PUM2: variants seen among roughly 807,000 people sequenced by gnomAD.
PUM2 encodes the protein pumilio RNA binding family member 2.
Under a neutral mutation model 124.5 loss-of-function variants are expected in PUM2, and 57 were observed. The observed-to-expected ratio is 0.46, with a 90% CI of 0.37 to 0.57. The LOEUF is 0.57. Among genes scored for constraint, PUM2 ranks in the 20% least tolerant of loss-of-function variants. PUM2 has a pLI of 0.00. For missense variants in PUM2, 1,065 were observed against 1,290.6 expected, an observed-to-expected ratio of 0.83 and a Z score of 2.68; for synonymous variants, 460 against 446.1, an observed-to-expected ratio of 1.03 and a Z score of -0.39.
intron 1 of PUM2, among the ~76,000 whole-genome samples, chr2:20,340,505 T>C (rs891320593): frequency 2.6e-5 from 4 of 152,232 alleles, no homozygotes; most frequent in Admixed American, 1.3e-4. Context: ...AGCACCCCAA[T>C]TTTGAGATCA....
intron 13 of PUM2, among the ~76,000 whole-genome samples, chr2:20,269,757 C>G (rs1668597400): frequency 6.6e-6 from 1 of 152,112 alleles, no homozygotes. Flanking sequence ...GTTTCCGTTT[C>G]TATTGCTTGT....
At chr2:20,292,576 G>C (rs1674439577) in intron 9 of PUM2, among the ~76,000 whole-genome samples, 1 of 151,830 alleles carries the variant, frequency 6.6e-6, no homozygotes, top group Non-Finnish European at 1.5e-5. Flanking sequence ...TGGCCAGGCT[G>C]GTCTCTAACT....
intron 1 of PUM2, among the ~76,000 whole-genome samples, chr2:20,347,342 T>TA (rs1424842828): frequency 6.6e-6 from 1 of 152,158 alleles, no homozygotes; most frequent in African/African-American, 2.4e-5. Flanking sequence ...ATTTTTCATT[T>TA]AAAAAGATAA....
intron 1 of PUM2, among the ~76,000 whole-genome samples, chr2:20,328,897 T>C (rs1289254900): frequency 6.6e-6 from 1 of 152,132 alleles, no homozygotes; most frequent in Non-Finnish European, 1.5e-5. Context: ...CTAATTTGGG[T>C]GCGGTGGCTC....
At chr2:20,268,487 G>A (rs552403776) in intron 13 of PUM2, among the ~76,000 whole-genome samples, 68 of 152,114 alleles carry the variant, frequency 4.5e-4, no homozygotes, top group African/African-American at 1.4e-3. Context: ...GTGTGGTGGC[G>A]TACGCCTGTA....
chr2:20,287,644 T>C (rs974967188), intron 10 of PUM2, among the ~76,000 whole-genome samples: 1 of 152,112 alleles, frequency 6.6e-6, no homozygotes, highest in Non-Finnish European at 1.5e-5. Flanking sequence ...TCTCAGCACT[T>C]TGGGAGGCCA....
At chr2:20,330,308 TCCTAAAACC>T (rs905450792) in intron 1 of PUM2, among the ~76,000 whole-genome samples, 7 of 152,150 alleles carry the variant, frequency 4.6e-5, no homozygotes, top group African/African-American at 1.7e-4. Context: ...GGCAAAAAGC[TCCTAAAACC>T]CCTGGAATCA....
Position 20,278,614 on chromosome 2 carries a change from T to C in PUM2, c.1926A>G (p.Ser642=), listed in dbSNP as rs900481101. ...GCAAACTGGATGAGGATCCATGTGA[T>C]GAAAGTGATGGCGGTGGCGTAAGTG... is the stretch of plus-strand genomic sequence containing the variant. ...GHSLTPPPSL[S]SHGSSSSLHL... is the part of the protein sequence containing the mutation. The change falls in exon 13 of 21, where the codon TCA becomes TCG. Residue 642 remains serine (S), a synonymous_variant. Transcript: ENST00000361078. 5 of 1,613,158 alleles carry C rather than the reference T, an allele frequency of 3.1e-6. No individual in the cohort carries two copies. Among genetic ancestry groups the C allele is most frequent in the Admixed American group, 1.7e-5 (1 of 59,912 alleles).
intron 7 of PUM2, among the ~76,000 whole-genome samples, chr2:20,302,788 GA>G (rs1677304537): frequency 6.6e-6 from 1 of 152,128 alleles, no homozygotes; most frequent in South Asian, 2.1e-4. Flanking sequence ...TTTGCAGAAA[GA>G]AATGCAGAAA....
At chr2:20,310,235 T>C (rs1679309005) in intron 5 of PUM2, among the ~76,000 whole-genome samples, 1 of 152,054 alleles carries the variant, frequency 6.6e-6, no homozygotes, top group Non-Finnish European at 1.5e-5. Context: ...AAATAATTAG[T>C]AATTTAAAAG....
At chr2:20,276,486 A>G (rs1244810515) in intron 13 of PUM2, among the ~76,000 whole-genome samples, 4 of 152,092 alleles carry the variant, frequency 2.6e-5, no homozygotes, top group African/African-American at 9.6e-5. Context: ...ACTTATCTCT[A>G]TCTCATGATT....
chr2:20,272,187 G>GAATA (rs71391758), intron 13 of PUM2, among the ~76,000 whole-genome samples: 321 of 147,504 alleles, frequency 2.2e-3, no homozygotes, highest in African/African-American at 6.2e-3. Context: ...ATGAATGAAT[G>GAATA]AATAAATAAA....
intron 13 of PUM2, among the ~76,000 whole-genome samples, chr2:20,272,389 C>A (rs1669257147): frequency 1.3e-5 from 2 of 152,148 alleles, no homozygotes; most frequent in Admixed American, 1.3e-4. Flanking sequence ...AGTTCATTCC[C>A]CCTCATTTGG....
At chr2:20,334,205 A>C (rs374291792) in intron 1 of PUM2, among the ~76,000 whole-genome samples, 2 of 152,272 alleles carry the variant, frequency 1.3e-5, no homozygotes, top group African/African-American at 4.8e-5. Flanking sequence ...CCAGCTACTC[A>C]GGAGGCTGAG....
chr2:20,299,043 T>C (rs556144942), intron 7 of PUM2, among the ~76,000 whole-genome samples: 2 of 152,228 alleles, frequency 1.3e-5, no homozygotes, highest in East Asian at 1.9e-4. Context: ...TAACAGTATC[T>C]TTCATAATAA....
At chr2:20,262,224 G>A (rs576033965) in intron 14 of PUM2, among the ~76,000 whole-genome samples, 5 of 152,262 alleles carry the variant, frequency 3.3e-5, no homozygotes, top group South Asian at 4.1e-4. Context: ...CTATGCCTTC[G>A]CATATACTCA....
chr2:20,256,719 G>C (rs187448384), intron 16 of PUM2, among the ~76,000 whole-genome samples: 3 of 152,132 alleles, frequency 2.0e-5, no homozygotes, highest in Admixed American at 6.5e-5. Flanking sequence ...TTAATGTCAG[G>C]TATCTTTGTT....
At position 20,326,421 on chromosome 2, in the gene PUM2, G is replaced by T. The variant is rs1294919747; in HGVS notation, c.51+889C>A. On this transcript the variant is annotated intron_variant, in intron 2 of 20. Coordinates refer to ENST00000361078, the MANE Select transcript of PUM2 (RefSeq NM_015317.5). ...CAGCATTGGATGGAGTGAGTCTCAT[G>T]AAGGTCTCTATTCTACCAAGGTAAA... The T allele has an allele frequency of 9.2e-6, 12 of 1,303,918 alleles. No individual in the cohort carries two copies. The Admixed American group carries it at 2.3e-4, about 25-fold the overall frequency. The allele number at this position is 1,303,918 out of a possible 1,614,324, so 80.8% of individuals were successfully genotyped here.
intron 1 of PUM2, among the ~76,000 whole-genome samples, chr2:20,336,801 T>TGTGG (rs1232526320): frequency 1.0e-4 from 13 of 126,336 alleles, no homozygotes; most frequent in Admixed American, 2.6e-4. Context: ...TGTGTGTGTG[T>TGTGG]GGTACAGACG....
Sources: gnomAD v4.1 joint callset for allele counts (sites outside exome capture counted in the v4.1 genomes callset) on GRCh38, gnomAD v4.1.1 for gene constraint, MANE v1.5 for transcripts, NCBI Gene and HGNC (gene_info 2026-07-23, HGNC 2026-07-21) for gene names.